The following ZNF503 variants were observed in gnomAD, a reference collection of about 807,000 sequenced individuals.
ZNF503 encodes the protein zinc finger protein 503.
A neutral mutation model predicts 34.4 loss-of-function variants in ZNF503; 15 were observed. The ratio of observed to expected loss-of-function variants is 0.44; its 90% CI spans 0.29 to 0.67. The LOEUF (loss-of-function observed/expected upper bound fraction) is 0.67, where lower values mean the gene tolerates loss of function less well. Among genes scored for constraint, ZNF503 ranks in the 30% least tolerant of loss-of-function variants. The pLI, the probability that ZNF503 is intolerant of heterozygous loss-of-function variation, is 0.13. For synonymous variants in ZNF503, 580 were observed against 456.8 expected, an observed-to-expected ratio of 1.27 and a Z score of -3.44; for missense variants, 1,007 against 926.8, an observed-to-expected ratio of 1.09 and a Z score of -1.12.
Position 75,400,076 on chromosome 10 carries a change from A to G in ZNF503, c.614T>C (p.Val205Ala), listed in dbSNP as rs1843765960. 6.5e-7 allele frequency: 1 copy of G among 1,545,728 alleles called. No homozygotes were observed. ...GGGGGGGGGG[V>A]SSEKSGFRVP... Reference sequence around the variant, plus strand: ...CCGGAATCCCGACTTCTCCGACGAAACACCCCCGCCGCCGCCCCCGCCACC... The same window carrying G: ...CCGGAATCCCGACTTCTCCGACGAAGCACCCCCGCCGCCGCCCCCGCCACC... The change falls in exon 2 of 2, where the codon GTT becomes GCT. Residue 205 changes from valine to alanine, a missense_variant. By Grantham distance (64) the Val-to-Ala change is moderately conservative. Transcript: ENST00000372524.
chr10:75,309,620 A>G, the ZNF503 span, among the ~76,000 whole-genome samples: 1 of 152,252 alleles, frequency 6.6e-6, no homozygotes, highest in South Asian at 2.1e-4. Context: ...ATGCTATTGC[A>G]CACTTAATAA....
rs748220466 is a variant in ZNF503, at chr10:75,399,847, G to A, written c.843C>T (p.His281=). The change falls in exon 2 of 2, where the codon CAC becomes CAT. Residue 281 remains histidine, a synonymous_variant. Transcript: ENST00000372524. ...TCCCGCCGCCGCAGCTAATCCGGCC[G>A]TGTGCCAGCCCCGTGGGTCCCCCTT... ...SAEGGPTGLA[H]GRISCGGGIN... The A allele has an allele frequency of 6.2e-7, 1 of 1,604,274 alleles. No homozygotes were observed. Among genetic ancestry groups the A allele is most frequent in the Non-Finnish European group, 8.5e-7 (1 of 1,176,786 alleles).
chr10:75,312,163 C>A, the ZNF503 span, among the ~76,000 whole-genome samples: 4 of 152,122 alleles, frequency 2.6e-5, no homozygotes, highest in African/African-American at 9.7e-5. Flanking sequence ...GCTGAGATCA[C>A]GCCACTGTAC....
At chr10:75,283,275 G>A in the ZNF503 span, 2 of 152,294 alleles carry the variant, frequency 1.3e-5, no homozygotes, top group African/African-American at 4.8e-5. Flanking sequence ...AATCTTACCA[G>A]GAGGTGTCCC....
At chr10:75,300,692 C>A in the ZNF503 span, among the ~76,000 whole-genome samples, 2,943 of 109,208 alleles carry the variant, frequency 0.027, 122 homozygotes, top group African/African-American at 0.11. Context: ...AATAACATTT[C>A]TTTCTTTCTT....
At chr10:75,280,555 C>CGTGTGTGT in the ZNF503 span, among the ~76,000 whole-genome samples, 12,572 of 146,548 alleles carry the variant, frequency 0.086, 610 homozygotes, top group South Asian at 0.22. Flanking sequence ...GGTGTGTATG[C>CGTGTGTGT]GTGTGTGTGT....
At chr10:75,311,563 A>G in the ZNF503 span, among the ~76,000 whole-genome samples, 89 of 151,342 alleles carry the variant, frequency 5.9e-4, no homozygotes, top group African/African-American at 2.1e-3. Context: ...GGCTGGGCAC[A>G]GTGTAATCCC....
chr10:75,314,191 C>T, the ZNF503 span, among the ~76,000 whole-genome samples: 81 of 142,578 alleles, frequency 5.7e-4, no homozygotes, highest in Admixed American at 1.1e-3. Context: ...GAGCCGAGAT[C>T]GTGCCACTGC....
the ZNF503 span, among the ~76,000 whole-genome samples, chr10:75,339,645 G>A: frequency 9.3e-4 from 141 of 152,204 alleles, 2 homozygotes; most frequent in Non-Finnish European, 7.3e-5. Flanking sequence ...GGTGTCGCCA[G>A]CGAGGAGCCA....
At chr10:75,381,389 A>AT in the ZNF503 span, among the ~76,000 whole-genome samples, 2 of 151,798 alleles carry the variant, frequency 1.3e-5, no homozygotes, top group African/African-American at 4.8e-5. Flanking sequence ...TGCCTGGCTA[A>AT]TTTTTTTTGG....
At chr10:75,292,956 A>G in the ZNF503 span, among the ~76,000 whole-genome samples, 4 of 152,130 alleles carry the variant, frequency 2.6e-5, no homozygotes, top group Admixed American at 6.5e-5. Context: ...CCCGAGCCCT[A>G]TGTGACTTTC....
chr10:75,395,462 T>C (rs1843686147), downstream of ZNF503, among the ~76,000 whole-genome samples: 3 of 152,078 alleles, frequency 2.0e-5, no homozygotes, highest in Non-Finnish European at 2.9e-5. This position sits in a 1 kb window ranked among gnomAD's most constrained non-coding sequence, Gnocchi z 4.4. Context: ...CCAGGACTCC[T>C]TCCTGCTCCG....
the ZNF503 span, among the ~76,000 whole-genome samples, chr10:75,306,513 G>A: frequency 6.6e-6 from 1 of 152,046 alleles, no homozygotes; most frequent in African/African-American, 2.4e-5. Flanking sequence ...TTACTTTGTT[G>A]ATGATGCCAT....
chr10:75,304,689 C>T, the ZNF503 span, among the ~76,000 whole-genome samples: 1 of 151,996 alleles, frequency 6.6e-6, no homozygotes, highest in Non-Finnish European at 1.5e-5. Context: ...TCTATGTTAA[C>T]TAGATAAATG....
the ZNF503 span, among the ~76,000 whole-genome samples, chr10:75,287,620 G>C: frequency 1.3e-5 from 2 of 152,188 alleles, no homozygotes; most frequent in Non-Finnish European, 2.9e-5. Context: ...AAGGCTTCCT[G>C]AGGGTAGGTT....
the ZNF503 span, among the ~76,000 whole-genome samples, chr10:75,282,427 A>G: frequency 6.6e-6 from 1 of 152,206 alleles, no homozygotes; most frequent in Non-Finnish European, 1.5e-5. Context: ...AGAAGTTAGA[A>G]TGCAAGGATG....
the ZNF503 span, among the ~76,000 whole-genome samples, chr10:75,335,790 G>T: frequency 6.6e-6 from 1 of 152,146 alleles, no homozygotes; most frequent in Non-Finnish European, 1.5e-5. Flanking sequence ...ATGAACCTCT[G>T]TCTTTGTCCC....
the ZNF503 span, chr10:75,284,027 C>T: frequency 1.3e-5 from 2 of 151,952 alleles, no homozygotes; most frequent in African/African-American, 4.8e-5. Context: ...ATATCATCTT[C>T]AGGACTGCTA....
At chr10:75,389,236 T>G in the ZNF503 span, among the ~76,000 whole-genome samples, 1 of 152,208 alleles carries the variant, frequency 6.6e-6, no homozygotes, top group South Asian at 2.1e-4. Flanking sequence ...TGGAGGAATC[T>G]TCCAGCAACG....
Sources: allele counts gnomAD v4.1 joint callset (sites outside exome capture counted in the v4.1 genomes callset), GRCh38; gene constraint gnomAD v4.1.1; non-coding constraint Gnocchi (gnomAD v3.1); transcripts MANE v1.5; gene names NCBI Gene and HGNC (gene_info 2026-07-23, HGNC 2026-07-21).